Variants in TLE4 observed in about 807,000 individuals in gnomAD.
The protein encoded by TLE4 is TLE family member 4, transcriptional corepressor.
Under a neutral mutation model 92.8 loss-of-function variants are expected in TLE4, and 8 were observed. The ratio of observed to expected loss-of-function variants is 0.09; its 90% CI spans 0.05 to 0.16. The LOEUF (loss-of-function observed/expected upper bound fraction) is 0.16. TLE4 is among the 10% of genes least tolerant of loss of function. The pLI, the probability that TLE4 is intolerant of heterozygous loss-of-function variation, is 1.00. For synonymous variants in TLE4, 371 were observed against 374.1 expected (o/e 0.99, Z 0.10); for missense variants, 675 against 997.6 (o/e 0.68, Z 4.36).
chr9:79,664,710 T>C (rs777362852), intron 8 of TLE4, among the ~76,000 whole-genome samples: 2 of 152,184 alleles, frequency 1.3e-5, no homozygotes, highest in South Asian at 2.1e-4. Flanking sequence ...TGCCTCCCGC[T>C]GCCACTTCTT....
chr9:79,591,020 T>C (rs1469993605), intron 4 of TLE4, among the ~76,000 whole-genome samples: 4 of 152,208 alleles, frequency 2.6e-5, no homozygotes, highest in Non-Finnish European at 5.9e-5. Flanking sequence ...ATGCAAAGGC[T>C]CTTATTCTTT....
chr9:79,689,327 GTTT>G (rs78898388), intron 8 of TLE4, among the ~76,000 whole-genome samples: 1 of 144,620 alleles, frequency 6.9e-6, no homozygotes, highest in Non-Finnish European at 1.5e-5. Context: ...TTTTATTGTT[GTTT>G]TTTTTTTTTC....
chr9:79,645,053 T>C (rs963260328), intron 6 of TLE4, among the ~76,000 whole-genome samples: 1 of 152,216 alleles, frequency 6.6e-6, no homozygotes, highest in Admixed American at 6.5e-5. Context: ...GAAAATGTTT[T>C]TTGAAAATGT....
At chr9:79,581,379 GGT>G (rs1348260168) in intron 4 of TLE4, among the ~76,000 whole-genome samples, 1 of 152,060 alleles carries the variant, frequency 6.6e-6, no homozygotes, top group African/African-American at 2.4e-5. Context: ...TATGTTTTAG[GGT>G]GTGTGTTTTC....
intron 6 of TLE4, among the ~76,000 whole-genome samples, chr9:79,644,389 G>A (rs929637874): frequency 6.6e-6 from 1 of 152,062 alleles, no homozygotes; most frequent in East Asian, 1.9e-4. Flanking sequence ...GCATGAGAAC[G>A]GACTAATACG....
rs936220740 is a variant in TLE4 at position 79,601,340 on chromosome 9, ATG to A, written c.253-11315_253-11314del. 3 of 455,684 alleles carry A rather than the reference ATG, an allele frequency of 6.6e-6. No individual in the cohort carries two copies. In the Admixed American group the frequency reaches 7.1e-5, roughly 11 times the overall value. The allele number at this position is 455,684 out of a possible 1,614,324, so 28.2% of individuals were successfully genotyped here. On this transcript the variant is annotated intron_variant, in intron 4 of 19. Coordinates refer to ENST00000376552, the MANE Select transcript of TLE4 (RefSeq NM_007005.6). Reference sequence around the variant, plus strand: ...AAGTTTTCTGGATAGATATTCCTTTATGGTTGATATATTAATGTGCTTTAGCT... The same window carrying A: ...AAGTTTTCTGGATAGATATTCCTTTAGTTGATATATTAATGTGCTTTAGCT...
intron 4 of TLE4, among the ~76,000 whole-genome samples, chr9:79,596,186 G>A (rs1006574956): frequency 1.3e-5 from 2 of 152,062 alleles, no homozygotes; most frequent in African/African-American, 4.8e-5. Flanking sequence ...ACCTCTGTAA[G>A]TCACAAAGAA....
At chr9:79,718,648 A>T in intron 14 of TLE4, 74 bp from the exon 15 acceptor site, 1 of 1,498,298 alleles carries the variant, frequency 6.7e-7, no homozygotes, top group Non-Finnish European at 8.9e-7. Context: ...TTTATTTCTC[A>T]TCTCATTACA....
chr9:79,720,900 T>C (rs2075522175), intron 16 of TLE4, among the ~76,000 whole-genome samples: 1 of 152,090 alleles, frequency 6.6e-6, no homozygotes, highest in Non-Finnish European at 1.5e-5. Flanking sequence ...ACTTTACAAA[T>C]GAGATTATAA....
intron 8 of TLE4, among the ~76,000 whole-genome samples, chr9:79,699,410 A>G (rs918342835): frequency 2.0e-5 from 3 of 152,208 alleles, no homozygotes; most frequent in Non-Finnish European, 4.4e-5. Context: ...ACTATAGTTA[A>G]GAGTAACTAT....
chr9:79,671,416 CAG>C (rs2062331458), intron 8 of TLE4: 1 of 345,542 alleles, frequency 2.9e-6, no homozygotes, highest in African/African-American at 2.1e-5. Context: ...ACCGTTTTTG[CAG>C]AGAGCCTCTT....
chr9:79,674,080 A>G (rs575904137), intron 8 of TLE4, among the ~76,000 whole-genome samples: 51 of 152,182 alleles, frequency 3.4e-4, no homozygotes, highest in African/African-American at 1.2e-3. Flanking sequence ...AAGAGTTGAG[A>G]AGTGGTTTAT....
intron 4 of TLE4, among the ~76,000 whole-genome samples, chr9:79,597,854 G>T (rs775740168): frequency 3.3e-5 from 5 of 152,084 alleles, no homozygotes; most frequent in African/African-American, 1.2e-4. Context: ...TCTTAAAATT[G>T]TTCTGAACAT....
At chr9:79,678,388 A>G (rs928658862) in intron 8 of TLE4, among the ~76,000 whole-genome samples, 3 of 152,082 alleles carry the variant, frequency 2.0e-5, no homozygotes, top group African/African-American at 4.8e-5. Context: ...AACCACATAC[A>G]GACCTTTCCC....
chr9:79,594,004 C>A (rs890171745), intron 4 of TLE4, among the ~76,000 whole-genome samples: 1 of 152,180 alleles, frequency 6.6e-6, no homozygotes, highest in Non-Finnish European at 1.5e-5. Context: ...AGTTCCTCAT[C>A]CATAAAACAA....
intron 8 of TLE4, among the ~76,000 whole-genome samples, chr9:79,680,922 A>G (rs1225092664): frequency 9.9e-5 from 15 of 152,096 alleles, no homozygotes; most frequent in Admixed American, 9.8e-4. Context: ...TATATGCTGG[A>G]TTACATTTAT....
intron 8 of TLE4, among the ~76,000 whole-genome samples, chr9:79,657,878 A>G (rs2059984064): frequency 6.6e-6 from 1 of 152,210 alleles, no homozygotes; most frequent in African/African-American, 2.4e-5. Flanking sequence ...ATTATTGTGC[A>G]TTCTTTATTA....
intron 2 of TLE4, 186 bp downstream of exon 2, chr9:79,573,972 T>C (rs2036839397): frequency 5.0e-6 from 2 of 397,094 alleles, no homozygotes; most frequent in Non-Finnish European, 8.9e-6. Context: ...AAATTAAACA[T>C]TTCTTCTACC....
At chr9:79,594,494 ATTTTTG>A (rs1217677116) in intron 4 of TLE4, among the ~76,000 whole-genome samples, 2 of 151,120 alleles carry the variant, frequency 1.3e-5, no homozygotes, top group Non-Finnish European at 2.9e-5. Context: ...ATGCATCTTT[ATTTTTG>A]TTTTTGTTTT....
Sources: gnomAD v4.1 joint callset for allele counts (sites outside exome capture counted in the v4.1 genomes callset) on GRCh38, gnomAD v4.1.1 for gene constraint, MANE v1.5 for transcripts, NCBI Gene and HGNC (gene_info 2026-07-23, HGNC 2026-07-21) for gene names.